Variants in SRCIN1 observed in about 807,000 individuals in gnomAD.
SRCIN1 encodes the protein P130Cas-associated protein.
SRCIN1 carries 50 observed loss-of-function variants against 116.2 expected under a neutral mutation model. The observed-to-expected ratio is 0.43, with a 90% confidence interval of 0.34 to 0.54. The LOEUF is 0.54. SRCIN1 is among the 20% of genes least tolerant of loss of function. The pLI is 0.02. For synonymous variants in SRCIN1, 736 were observed against 750.0 expected (o/e 0.98, Z 0.30); for missense variants, 1,446 against 1,672.0 (o/e 0.86, Z 2.36).
chr17:38,559,884 C>G, intron 9 of SRCIN1, 112 bp from the exon 10 acceptor site: 8 of 1,408,620 alleles, frequency 5.7e-6, no homozygotes, highest in Non-Finnish European at 7.7e-6. Context: ...CCAGAGAAGC[C>G]CGTGGCTCTA....
chr17:38,541,152 T>C (rs1488685148), intron 18 of SRCIN1: 1 of 151,546 alleles, frequency 6.6e-6, no homozygotes, highest in Non-Finnish European at 1.5e-5. Flanking sequence ...GACAGGAGAA[T>C]CCCTTGAACC....
At chr17:38,561,442 G>A (rs747002657) in intron 7 of SRCIN1, 21 bp downstream of exon 7, 7 of 1,505,766 alleles carry the variant, frequency 4.6e-6, no homozygotes, top group Non-Finnish European at 6.2e-6. Flanking sequence ...CAGTCCCTGA[G>A]GCCTGGTTAA....
intron 1 of SRCIN1, among the ~76,000 whole-genome samples, chr17:38,598,626 A>G (rs1230340808): frequency 6.6e-6 from 1 of 152,156 alleles, no homozygotes; most frequent in Non-Finnish European, 1.5e-5. Context: ...GTGTGTTTGC[A>G]CAGGTGAGGA....
rs574661182 is a variant in SRCIN1, at chr17:38,532,565, C to T, written c.*732G>A. 9.2e-5 allele frequency: 14 copies of T among 152,596 alleles called. No homozygotes were observed. Among genetic ancestry groups the T allele is most frequent in the African/African-American group, 2.9e-4 (12 of 41,566 alleles). 9.5% of individuals were successfully genotyped at this position (152,596 alleles called of 1,614,324 possible). A position where few individuals can be genotyped will look rare whatever the true frequency, so the allele number is the denominator to read the frequency against. On this transcript the variant is annotated 3_prime_UTR_variant, in exon 19 of 19. Transcript: ENST00000617146. This position sits in a 1 kb window ranked among gnomAD's most constrained non-coding sequence, Gnocchi z 4.3. The stretch of plus-strand genomic sequence containing the variant: ...TCCACTCCCCACTGGACGGCAAGGC[C>T]CAGGAGGCCAGCGCCTCCCCAGGGA...
chr17:38,561,573 C>A lies in SRCIN1; in HGVS notation c.1590G>T (p.Ala530=), dbSNP rs201711354. The change falls in exon 7 of 19, where the codon GCG becomes GCT. Residue 530 remains alanine, a synonymous_variant. Transcript: ENST00000617146. Reference sequence around the variant, plus strand: ...GAGCTCCGGCCGTCGAGGCGCTCCCCGCGCTGCGGGTCTTCCCTCCAGGAC... The same window carrying A: ...GAGCTCCGGCCGTCGAGGCGCTCCCAGCGCTGCGGGTCTTCCCTCCAGGAC... ...AESPGGKTRS[A]GSASTAGAPP... 6.2e-7 allele frequency: 1 copy of A among 1,601,774 alleles called. No individual in the cohort carries two copies. The highest frequency in any genetic ancestry group is 1.7e-5 in the Admixed American group (1 of 59,274).
At chr17:38,554,175 C>T (rs1227815437) in intron 11 of SRCIN1, among the ~76,000 whole-genome samples, 1 of 151,542 alleles carries the variant, frequency 6.6e-6, no homozygotes, top group Non-Finnish European at 1.5e-5. Flanking sequence ...CATGCCACTG[C>T]ACTCCAGCCT....
chr17:38,585,356 G>A lies in SRCIN1; in HGVS notation c.23-6565C>T, dbSNP rs1420568796. Among the ~76,000 whole-genome samples, 4 of 152,208 alleles carry A rather than the reference G, an allele frequency of 2.6e-5. No individual in the cohort carries two copies. The East Asian group carries it at 7.7e-4, about 29-fold the overall frequency. ...GCCCAAGTCAGCCAGGAGGAGCCCC[G>A]AGGCACTGCCACCTTCGATTGTGCA... On this transcript the variant is annotated intron_variant, in intron 1 of 18. Coordinates refer to ENST00000617146, the MANE Select transcript of SRCIN1 (RefSeq NM_025248.3). This position sits in a 1 kb window ranked among gnomAD's most constrained non-coding sequence, Gnocchi z 4.2.
chr17:38,547,568 A>G (rs926301304), intron 17 of SRCIN1, among the ~76,000 whole-genome samples: 7 of 151,838 alleles, frequency 4.6e-5, no homozygotes, highest in Non-Finnish European at 7.4e-5. Context: ...AGCGGGGAGG[A>G]AGGGTTATGC....
chr17:38,594,689 C>T (rs772677232), intron 1 of SRCIN1, among the ~76,000 whole-genome samples: 2 of 151,738 alleles, frequency 1.3e-5, no homozygotes, highest in Non-Finnish European at 2.9e-5. Context: ...TACCACTTTA[C>T]AGGCACAAAC....
At chr17:38,595,735 C>A (rs527621014) in intron 1 of SRCIN1, among the ~76,000 whole-genome samples, 2 of 152,292 alleles carry the variant, frequency 1.3e-5, no homozygotes, top group Admixed American at 1.3e-4. Flanking sequence ...GCCCCCTCAG[C>A]AGAGGATTCC....
At position 38,578,454 on chromosome 17, in the gene SRCIN1, G is replaced by GGCCGCA. The variant is rs775700083; in HGVS notation, c.324+30_324+35dup. Reference sequence around the variant, plus strand: ...ACCTCCTCCCCTGCCCGCTGGCCGCGGCCGCAGCCGCAGCCGCAGCCGGGA... The same window carrying GGCCGCA: ...ACCTCCTCCCCTGCCCGCTGGCCGCGGCCGCAGCCGCAGCCGCAGCCGCAGCCGGGA... On this transcript the variant is annotated intron_variant, in intron 2 of 18. Transcript: ENST00000617146. 9.5e-3 allele frequency: 14,520 copies of GGCCGCA among 1,528,202 alleles called. 1,086 individuals carry two copies. In the African/African-American group the frequency reaches 0.17, roughly 18 times the overall value. 94.7% of individuals were successfully genotyped at this position (1,528,202 alleles called of 1,614,324 possible). A position where few individuals can be genotyped will look rare whatever the true frequency, so the allele number is the denominator to read the frequency against.
chr17:38,592,432 C>A (rs2143412758), intron 1 of SRCIN1, among the ~76,000 whole-genome samples: 1 of 152,326 alleles, frequency 6.6e-6, no homozygotes, highest in Non-Finnish European at 1.5e-5. Context: ...TCCCTGTTAC[C>A]CGGGACAGGT....
intron 1 of SRCIN1, among the ~76,000 whole-genome samples, chr17:38,595,229 C>T (rs779752190): frequency 3.7e-4 from 56 of 152,142 alleles, no homozygotes; most frequent in African/African-American, 1.1e-3. Context: ...CCCGCCGCCC[C>T]GACCCCGAGA....
In SRCIN1 at chr17:38,543,924, C is replaced by A; in HGVS notation, c.3316G>T (p.Ala1106Ser). Residue 1106 changes from alanine to serine, a missense_variant, in exon 18 of 19, where the codon GCC becomes TCC. Around this residue, in one of 5 missense-constraint regions of SRCIN1, gnomAD observed 531 missense variants for 633.9 expected, o/e 0.84. Transcript: ENST00000617146. Reference sequence around the variant, plus strand: ...CCCTGGGCCGCCTTCAGCCGAGAGGCCCCCGGAGTCACCACCTTCATGGGT... The same window carrying A: ...CCCTGGGCCGCCTTCAGCCGAGAGGACCCCGGAGTCACCACCTTCATGGGT... ...VPPMKVVTPG[A>S]SRLKAAQGQA... 1 of 1,600,000 alleles carries A rather than the reference C, an allele frequency of 6.3e-7. No homozygotes were observed. Among genetic ancestry groups the A allele is most frequent in the Non-Finnish European group, 8.5e-7 (1 of 1,177,542 alleles).
chr17:38,588,877 AG>A (rs964591093), intron 1 of SRCIN1, among the ~76,000 whole-genome samples: 1 of 152,156 alleles, frequency 6.6e-6, no homozygotes, highest in African/African-American at 2.4e-5. Flanking sequence ...TATCCTCCTC[AG>A]AGACACCACC....
rs1013750915 is a variant in SRCIN1 at position 38,564,365 on chromosome 17, C to CG, written c.346-53_346-52insC. 2.8e-6 allele frequency: 4 copies of CG among 1,445,368 alleles called. No homozygotes were observed. In the South Asian group the frequency reaches 4.1e-5, roughly 15 times the overall value. 89.5% of individuals were successfully genotyped at this position (1,445,368 alleles called of 1,614,324 possible). On this transcript the variant is annotated intron_variant, in intron 3 of 18. Coordinates refer to ENST00000617146, the MANE Select transcript of SRCIN1 (RefSeq NM_025248.3). ...AACCAAGGATGAGCACCCCCCCTCC[C>CG]CTTTGCTTGTCACTGCCCATATCCA...
In SRCIN1 at chr17:38,558,417, G is replaced by A. The variant is rs184539124; in HGVS notation, c.2026-15C>T. ...TGGTTCTGTAGCTGCGGGACGCACG[G>A]ACGGATGGACCCGGGTGGGGGGAGC... On this transcript the variant is annotated splice_polypyrimidine_tract_variant and intron_variant, in intron 10 of 18. Transcript: ENST00000617146. This position sits in a 1 kb window ranked among gnomAD's most constrained non-coding sequence, Gnocchi z 4.6. The A allele has an allele frequency of 2.7e-3, 4,336 of 1,581,676 alleles. 12 individuals are homozygous for A. The highest frequency in any genetic ancestry group is 7.0e-3 in the Middle Eastern group (41 of 5,888).
chr17:38,592,805 T>C (rs983743028), intron 1 of SRCIN1, among the ~76,000 whole-genome samples: 1 of 151,844 alleles, frequency 6.6e-6, no homozygotes, highest in African/African-American at 2.4e-5. Context: ...GTGGCTACAC[T>C]GAAGCACAGG....
At chr17:38,559,460 G>A (rs1906052145) in intron 10 of SRCIN1, 125 bp downstream of exon 10, 1 of 1,008,358 alleles carries the variant, frequency 9.9e-7, no homozygotes, top group Non-Finnish European at 1.4e-6. Context: ...AGTGAGCGGC[G>A]AAGGACTCGG....
Sources: gnomAD v4.1 joint callset for allele counts (sites outside exome capture counted in the v4.1 genomes callset) on GRCh38, gnomAD v4.1.1 for gene constraint, gnomAD v4.1.1 regional missense constraint, Gnocchi (gnomAD v3.1) non-coding constraint, MANE v1.5 for transcripts, NCBI Gene and HGNC (gene_info 2026-07-23, HGNC 2026-07-21) for gene names.